Variants in IL2RA observed in about 807,000 individuals in gnomAD.
IL2RA encodes the protein interleukin-2 receptor subunit alpha.
IL2RA carries 24 observed loss-of-function variants against 37.8 expected under a neutral mutation model. The observed-to-expected ratio is 0.63, with a 90% CI of 0.46 to 0.89. The LOEUF (loss-of-function observed/expected upper bound fraction) is 0.89. Ranked by LOEUF, IL2RA falls within the 40% of genes least tolerant of loss-of-function variation. The pLI, the probability that IL2RA is intolerant of heterozygous loss-of-function variation, is 0.00. For missense variants in IL2RA, 319 were observed against 348.6 expected, an observed-to-expected ratio of 0.92 and a Z score of 0.68; for synonymous variants, 125 against 114.6, an observed-to-expected ratio of 1.09 and a Z score of -0.58.
chr10:6,039,404 A>C (rs1334448420), intron 1 of IL2RA: 1 of 152,258 alleles, frequency 6.6e-6, no homozygotes, highest in Non-Finnish European at 1.5e-5. Context: ...GAAATCTACT[A>C]TCATAATGAG....
rs1396872961 is a variant in IL2RA at position 6,036,876 on chromosome 10, C to T, written c.65-10851G>A. Among the ~76,000 whole-genome samples the T allele has an allele frequency of 2.0e-5, 3 of 152,108 alleles. No homozygotes were observed. The highest frequency in any genetic ancestry group is 4.4e-5 in the Non-Finnish European group (3 of 68,028). Reference sequence around the variant, plus strand: ...CGGCAGGACGGATGCTGAGGTTGTTCGCAGCAGCGTGTGTGCAGAGCCCCC... The same window carrying T: ...CGGCAGGACGGATGCTGAGGTTGTTTGCAGCAGCGTGTGTGCAGAGCCCCC... On this transcript the variant is annotated intron_variant, in intron 1 of 7. Coordinates refer to ENST00000379959, the MANE Select transcript of IL2RA (RefSeq NM_000417.3). The surrounding 1 kb of genome is among the most constrained non-coding windows in gnomAD (Gnocchi z 6.1).
At chr10:6,040,538 C>T (rs962808615) in intron 1 of IL2RA, among the ~76,000 whole-genome samples, 12 of 152,282 alleles carry the variant, frequency 7.9e-5, no homozygotes, top group African/African-American at 2.9e-4. Context: ...TACGAATACA[C>T]TTTTATATAT....
In IL2RA at chr10:6,047,331, T is replaced by A. The variant is rs117136685; in HGVS notation, c.64+14757A>T. On this transcript the variant is annotated intron_variant, in intron 1 of 7. Transcript: ENST00000379959. The surrounding 1 kb of genome is among the most constrained non-coding windows in gnomAD (Gnocchi z 5.0). ...CCTGTGCCACACTCAGAACGCGGGA[T>A]GAACATAGAGGAAACACTAGAATGG... Among the ~76,000 whole-genome samples the A allele has an allele frequency of 2.0e-4, 31 of 152,250 alleles. No homozygotes were observed. The East Asian group carries it at 5.6e-3, about 28-fold the overall frequency.
At position 6,022,513 on chromosome 10, in the gene IL2RA, A is replaced by G. The variant is rs1252580334; in HGVS notation, c.368-820T>C. ...CTAACCCCAGCCTGTGAAACTGCGC[A>G]CGTGCTCTGAACTTCCAGACTCTCC... is the stretch of plus-strand genomic sequence containing the variant. On this transcript the variant is annotated intron_variant, in intron 3 of 7. Transcript: ENST00000379959. The surrounding 1 kb of genome is among the most constrained non-coding windows in gnomAD (Gnocchi z 4.7). Among the ~76,000 whole-genome samples, 1 of 152,174 alleles carries G rather than the reference A, an allele frequency of 6.6e-6. No individual in the cohort carries two copies. Among genetic ancestry groups the G allele is most frequent in the Non-Finnish European group, 1.5e-5 (1 of 68,016 alleles).
intron 1 of IL2RA, among the ~76,000 whole-genome samples, chr10:6,059,496 A>G (rs144372750): frequency 2.0e-5 from 3 of 152,298 alleles, no homozygotes; most frequent in South Asian, 2.1e-4. Flanking sequence ...GTAGTTCTTT[A>G]TTGCCTACTA....
chr10:6,024,191 C>T (rs1839438220), intron 3 of IL2RA, 53 bp downstream of exon 3: 19 of 1,177,550 alleles, frequency 1.6e-5, no homozygotes, highest in Non-Finnish European at 2.3e-5. Context: ...CATCTGCCTG[C>T]AGGAGAAGGG....
At chr10:6,019,381 T>A in intron 6 of IL2RA, 47 bp downstream of exon 6, 1 of 1,411,740 alleles carries the variant, frequency 7.1e-7, no homozygotes, top group Non-Finnish European at 1.0e-6. Context: ...CCTGTCCATA[T>A]CTCAGCCTGG....
chr10:6,047,607 CG>C lies in IL2RA; in HGVS notation c.64+14480del, dbSNP rs1259142465. ...TATTATGAATATGAAGGATAATTAACGTATCTATTATTTTATTAGACATCAC... is the reference window on the plus strand; with the variant it reads ...TATTATGAATATGAAGGATAATTAACTATCTATTATTTTATTAGACATCAC... On this transcript the variant is annotated intron_variant, in intron 1 of 7. Coordinates refer to ENST00000379959, the MANE Select transcript of IL2RA (RefSeq NM_000417.3). This position sits in a 1 kb window ranked among gnomAD's most constrained non-coding sequence, Gnocchi z 5.0. Among the ~76,000 whole-genome samples, 2 of 151,400 alleles carry C rather than the reference CG, an allele frequency of 1.3e-5. No individual in the cohort carries two copies. The highest frequency in any genetic ancestry group is 2.9e-5 in the Non-Finnish European group (2 of 67,914).
At chr10:6,030,694 A>G (rs1351742051) in intron 1 of IL2RA, among the ~76,000 whole-genome samples, 1 of 152,218 alleles carries the variant, frequency 6.6e-6, no homozygotes, top group African/African-American at 2.4e-5. Flanking sequence ...ACATGAAGTA[A>G]TAAAGAACAC....
chr10:6,045,471 G>A (rs1050410262), intron 1 of IL2RA, among the ~76,000 whole-genome samples: 2 of 152,126 alleles, frequency 1.3e-5, no homozygotes, highest in Admixed American at 6.5e-5. Flanking sequence ...AATGTTGGGC[G>A]CTGGTTATGT....
At position 6,056,193 on chromosome 10, in the gene IL2RA, G is replaced by A. The variant is rs1840043056; in HGVS notation, c.64+5895C>T. ...TGGCAAACACTGTTGGCTGACTTCA[G>A]AATGGGAGCCATTCAGCAGCAGTTT... On this transcript the variant is annotated intron_variant, in intron 1 of 7. Coordinates refer to ENST00000379959, the MANE Select transcript of IL2RA (RefSeq NM_000417.3). This position sits in a 1 kb window ranked among gnomAD's most constrained non-coding sequence, Gnocchi z 5.0. 6.6e-6 allele frequency among the ~76,000 whole-genome samples: 1 copy of A among 152,202 alleles called. No homozygotes were observed. The highest frequency in any genetic ancestry group is 2.4e-5 in the African/African-American group (1 of 41,452).
At position 6,062,121 on chromosome 10, in the gene IL2RA, G is replaced by T. The variant is rs1170621521; in HGVS notation, c.31C>A (p.Leu11Ile). The change falls in exon 1 of 8, where the codon CTC becomes ATC. Residue 11 changes from leucine (L) to isoleucine (I), a missense_variant. Physicochemically the swap from Leu to Ile is conservative, Grantham distance 5. Transcript: ENST00000379959. MDSYLLMWGL[L>I]TFIMVPGCQA... ...CAGCCAGGCACCATGATGAACGTGA[G>T]CAGTCCCCACATCAGCAGGTATGAA... 10 of 1,613,958 alleles carry T rather than the reference G, an allele frequency of 6.2e-6. No homozygotes were observed. The African/African-American group carries it at 1.2e-4, about 19-fold the overall frequency.
At chr10:6,031,758 T>TA (rs1839598491) in intron 1 of IL2RA, among the ~76,000 whole-genome samples, 1 of 151,980 alleles carries the variant, frequency 6.6e-6, no homozygotes, top group Non-Finnish European at 1.5e-5. Context: ...AACATTCATT[T>TA]AAAAAATCTA....
chr10:6,018,238 T>C lies in IL2RA; in HGVS notation c.728-119A>G. ...AAAGAGCAAGGCGGAGGCTGCAGCC[T>C]CTCTTCCCTGTCTCAGGAAGTAGGT... On this transcript the variant is annotated intron_variant, in intron 6 of 7. Transcript: ENST00000379959. The surrounding 1 kb of genome is among the most constrained non-coding windows in gnomAD (Gnocchi z 5.1). 2 of 758,728 alleles carry C rather than the reference T, an allele frequency of 2.6e-6. No individual in the cohort carries two copies. The highest frequency in any genetic ancestry group is 4.7e-6 in the Non-Finnish European group (2 of 425,716). 47.0% of individuals were successfully genotyped at this position (758,728 alleles called of 1,614,324 possible).
intron 1 of IL2RA, 134 bp downstream of exon 1, chr10:6,061,954 A>T: frequency 1.4e-6 from 1 of 725,656 alleles, no homozygotes; most frequent in Non-Finnish European, 2.4e-6. Context: ...CGTGGGTCAC[A>T]GGCAAGAGGT....
At chr10:6,052,872 C>T (rs1414704025) in intron 1 of IL2RA, among the ~76,000 whole-genome samples, 3 of 132,980 alleles carry the variant, frequency 2.3e-5, no homozygotes, top group Non-Finnish European at 5.1e-5. Flanking sequence ...TGCGACACTG[C>T]CGCTTTCTCT....
At position 6,052,518 on chromosome 10, in the gene IL2RA, A is replaced by G. The variant is rs142389552; in HGVS notation, c.64+9570T>C. Among the ~76,000 whole-genome samples, 1,193 of 152,286 alleles carry G rather than the reference A, an allele frequency of 7.8e-3. 12 individuals are homozygous for G. The highest frequency in any genetic ancestry group is 0.013 in the Non-Finnish European group (888 of 68,024). On this transcript the variant is annotated intron_variant, in intron 1 of 7. Transcript: ENST00000379959. The stretch of plus-strand genomic sequence containing the variant: ...CAAACCAATAGCCGGAAGTCCTACC[A>G]CACAAGAGGTTGTCTCCAATCTCCC...
chr10:6,060,431 C>G (rs1014574105), intron 1 of IL2RA, among the ~76,000 whole-genome samples: 1 of 152,138 alleles, frequency 6.6e-6, no homozygotes, highest in African/African-American at 2.4e-5. Context: ...TTCATGTAAC[C>G]AAACACCACC....
At chr10:6,040,470 C>T (rs1195028385) in intron 1 of IL2RA, among the ~76,000 whole-genome samples, 2 of 152,190 alleles carry the variant, frequency 1.3e-5, no homozygotes, top group Non-Finnish European at 2.9e-5. Flanking sequence ...TATTTCCAGT[C>T]ATTTTTGATG....
Sources: gnomAD v4.1 joint callset for allele counts (sites outside exome capture counted in the v4.1 genomes callset) on GRCh38, gnomAD v4.1.1 for gene constraint, Gnocchi (gnomAD v3.1) non-coding constraint, MANE v1.5 for transcripts, NCBI Gene and HGNC (gene_info 2026-07-23, HGNC 2026-07-21) for gene names.